Variants in FLT3 observed in about 807,000 individuals in gnomAD.
FLT3 encodes the protein fms related receptor tyrosine kinase 3, also known as receptor-type tyrosine-protein kinase FLT3.
FLT3 carries 46 observed loss-of-function variants against 126.6 expected under a neutral mutation model. That is an observed-to-expected ratio of 0.36 (90% CI 0.29 to 0.46). The LOEUF is 0.46. Among genes scored for constraint, FLT3 ranks in the 20% least tolerant of loss-of-function variants. The pLI, the probability that FLT3 is intolerant of heterozygous loss-of-function variation, is 1.00. For synonymous variants in FLT3, 404 were observed against 434.4 expected, an observed-to-expected ratio of 0.93 and a Z score of 0.87; for missense variants, 1,069 against 1,190.3, an observed-to-expected ratio of 0.90 and a Z score of 1.50.
intron 1 of FLT3, among the ~76,000 whole-genome samples, chr13:28,092,518 C>A (rs1879180971): frequency 6.6e-6 from 1 of 152,110 alleles, no homozygotes; most frequent in African/African-American, 2.4e-5. Flanking sequence ...AGGTGCACAC[C>A]ACCATGCTCA....
chr13:28,034,175 T>C lies in FLT3; in HGVS notation c.1744A>G (p.Thr582Ala), dbSNP rs756002946. The change falls in exon 14 of 24, where the codon ACC (threonine) becomes GCC (alanine). Residue 582 changes from threonine (T) to alanine (A), a missense_variant. By Grantham distance (58) the Thr-to-Ala change is moderately conservative. Transcript: ENST00000241453. ...AAGTACTCATTATCTGAGGAGCCGG[T>C]CACCTGTACCATCTGTAGCTGGCTT... ...YESQLQMVQV[T>A]GSSDNEYFYV... 8.1e-6 allele frequency: 13 copies of C among 1,613,946 alleles called. No individual in the cohort carries two copies. In the Admixed American group the frequency reaches 1.2e-4, roughly 14 times the overall value.
At chr13:28,049,272 T>C (rs1875199673) in intron 8 of FLT3, 112 bp downstream of exon 8, 3 of 968,882 alleles carry the variant, frequency 3.1e-6, no homozygotes, top group South Asian at 3.2e-5. Context: ...GTTTCTTTCT[T>C]AGTGTTTGAT....
chr13:28,039,936 T>C (rs765115256), intron 9 of FLT3, among the ~76,000 whole-genome samples: 3 of 151,738 alleles, frequency 2.0e-5, no homozygotes, highest in African/African-American at 7.3e-5. Flanking sequence ...CAAGCCATCC[T>C]CCCCACCTCG....
In FLT3 at chr13:28,033,947, T is replaced by G. The variant is rs2137673034; in HGVS notation, c.1882A>C (p.Thr628Pro). ...SGAFGKVMNA[T>P]AYGISKTGVS... Reference sequence around the variant, plus strand: ...CCTGTTTTGCTAATTCCATAAGCTGTTGCGTTCATCACTTTTCCAAAAGCA... The same window carrying G: ...CCTGTTTTGCTAATTCCATAAGCTGGTGCGTTCATCACTTTTCCAAAAGCA... The change falls in exon 15 of 24, where the codon ACA becomes CCA. Residue 628 changes from threonine (T) to proline (P), a missense_variant. Transcript: ENST00000241453. 2 of 1,614,226 alleles carry G rather than the reference T, an allele frequency of 1.2e-6. No homozygotes were observed. Among genetic ancestry groups the G allele is most frequent in the Non-Finnish European group, 1.7e-6 (2 of 1,180,042 alleles).
chr13:28,015,215 A>T lies in FLT3; in HGVS notation c.2695T>A (p.Tyr899Asn). ...YPGIPVDANFYKLIQNGFKMD... is the reference protein window; with the variant it reads ...YPGIPVDANFNKLIQNGFKMD... ...TTAAATCCATTTTGAATCAGTTTGT[A>T]GAAGTTAGCATCAACCGGAATGCCA... Residue 899 changes from tyrosine (Y) to asparagine (N), a missense_variant, in exon 22 of 24, where the codon TAC (tyrosine) becomes AAC (asparagine). By Grantham distance (143) the Tyr-to-Asn change is moderately radical. Transcript: ENST00000241453. The T allele has an allele frequency of 6.2e-7, 1 of 1,612,886 alleles. No individual in the cohort carries two copies. The highest frequency in any genetic ancestry group is 8.5e-7 in the Non-Finnish European group (1 of 1,178,966).
intron 9 of FLT3, among the ~76,000 whole-genome samples, chr13:28,047,462 C>A (rs1185804264): frequency 1.3e-5 from 2 of 152,100 alleles, no homozygotes; most frequent in South Asian, 2.1e-4. Context: ...GTAATCCCAG[C>A]ACTTTGGGAG....
intron 2 of FLT3, among the ~76,000 whole-genome samples, chr13:28,066,689 AG>A: frequency 6.6e-6 from 1 of 152,282 alleles, no homozygotes; most frequent in South Asian, 2.1e-4. Flanking sequence ...AAATAAAATG[AG>A]GGGAAAGGGG....
At chr13:28,087,539 TC>T (rs1878756354) in intron 1 of FLT3, among the ~76,000 whole-genome samples, 1 of 152,220 alleles carries the variant, frequency 6.6e-6, no homozygotes, top group African/African-American at 2.4e-5. Context: ...TCACTGGGCT[TC>T]TTGAACCCAT....
At position 28,090,185 on chromosome 13, in the gene FLT3, C is replaced by T. The variant is rs140807750; in HGVS notation, c.43+10283G>A. Among the ~76,000 whole-genome samples, 260 of 151,664 alleles carry T rather than the reference C, an allele frequency of 1.7e-3. 1 individual carries two copies. Among genetic ancestry groups the T allele is most frequent in the East Asian group, 9.4e-3 (48 of 5,116 alleles). On this transcript the variant is annotated intron_variant, in intron 1 of 23. Transcript: ENST00000241453. Reference sequence around the variant, plus strand: ...CCTCCCGAGTAGCTGGGATTACAGGCGTGCATCACCATGCCCAATTTTTTG... The same window carrying T: ...CCTCCCGAGTAGCTGGGATTACAGGTGTGCATCACCATGCCCAATTTTTTG...
At chr13:28,079,018 T>C (rs549702743) in intron 1 of FLT3, among the ~76,000 whole-genome samples, 3 of 152,280 alleles carry the variant, frequency 2.0e-5, no homozygotes, top group South Asian at 2.1e-4. Context: ...GGCCTGGGTT[T>C]TTCTTTTCTA....
chr13:28,028,233 G>C lies in FLT3; in HGVS notation c.1998C>G (p.Thr666=). The C allele has an allele frequency of 6.2e-7, 1 of 1,612,402 alleles. No individual in the cohort carries two copies. The highest frequency in any genetic ancestry group is 8.5e-7 in the Non-Finnish European group (1 of 1,178,526). Residue 666 remains threonine, a synonymous_variant, in exon 16 of 24, where the codon ACC becomes ACG. Transcript: ENST00000241453. Reference sequence around the variant, plus strand: ...CAATATTCTCGTGGCTTCCCAGCTGGGTCATCATCTTGAGTTCTGACATGA... The same window carrying C: ...CAATATTCTCGTGGCTTCCCAGCTGCGTCATCATCTTGAGTTCTGACATGA... ...EALMSELKMM[T]QLGSHENIVN... is the part of the protein sequence containing the mutation.
At chr13:28,057,011 T>C (rs1203455650) in intron 4 of FLT3, among the ~76,000 whole-genome samples, 1 of 152,196 alleles carries the variant, frequency 6.6e-6, no homozygotes, top group Non-Finnish European at 1.5e-5. Context: ...GGTGGTAGTA[T>C]CAGAACCAGA....
intron 9 of FLT3, among the ~76,000 whole-genome samples, chr13:28,045,229 G>C (rs972616737): frequency 2.6e-5 from 4 of 152,164 alleles, no homozygotes; most frequent in Admixed American, 2.6e-4. Flanking sequence ...AATCTCAAAA[G>C]GTTATACCAG....
chr13:28,039,667 G>A (rs1324209331), intron 9 of FLT3, among the ~76,000 whole-genome samples: 1 of 150,646 alleles, frequency 6.6e-6, no homozygotes, highest in East Asian at 1.9e-4. Flanking sequence ...TCCTGCCTCA[G>A]CCTCCCAAGT....
Position 28,052,693 on chromosome 13 carries a change from T to C in FLT3, c.485-19A>G. 1.3e-6 allele frequency: 2 copies of C among 1,525,644 alleles called. No individual in the cohort carries two copies. The highest frequency in any genetic ancestry group is 9.0e-7 in the Non-Finnish European group (1 of 1,110,556). 94.5% of individuals were successfully genotyped at this position (1,525,644 alleles called of 1,614,324 possible). A position where few individuals can be genotyped will look rare whatever the true frequency, so the allele number is the denominator to read the frequency against. On this transcript the variant is annotated intron_variant, in intron 4 of 23. Coordinates refer to ENST00000241453, the MANE Select transcript of FLT3 (RefSeq NM_004119.3). ...AGGGTATCTAAAGCATCATAAGTTA[T>C]TAACATTTTACTATTTTAAAAATAA...
At chr13:28,013,602 C>A (rs562748597) in intron 23 of FLT3, among the ~76,000 whole-genome samples, 7 of 152,262 alleles carry the variant, frequency 4.6e-5, no homozygotes, top group African/African-American at 1.7e-4. Context: ...CAAAGAAATT[C>A]CAAGTCCTCA....
intron 15 of FLT3, among the ~76,000 whole-genome samples, chr13:28,029,624 C>G (rs1410284273): frequency 6.6e-6 from 1 of 152,126 alleles, no homozygotes; most frequent in African/African-American, 2.4e-5. Flanking sequence ...CTGTTGTAGT[C>G]AGAGAGAGAT....
chr13:28,038,293 G>A (rs1874023173), intron 9 of FLT3, among the ~76,000 whole-genome samples: 1 of 152,016 alleles, frequency 6.6e-6, no homozygotes, highest in African/African-American at 2.4e-5. Flanking sequence ...ATGTTGGATG[G>A]TGCAGGAGAG....
chr13:28,007,113 CT>C (rs1316696466), intron 23 of FLT3, among the ~76,000 whole-genome samples: 1 of 152,028 alleles, frequency 6.6e-6, no homozygotes. Flanking sequence ...ATACATTCTC[CT>C]TATGAAATTG....
Sources: gnomAD v4.1 joint callset for allele counts (sites outside exome capture counted in the v4.1 genomes callset) on GRCh38, gnomAD v4.1.1 for gene constraint, MANE v1.5 for transcripts, NCBI Gene and HGNC (gene_info 2026-07-23, HGNC 2026-07-21) for gene names.